COBLL1: variants seen among roughly 807,000 people sequenced by gnomAD.
COBLL1 encodes cordon-bleu WH2 repeat protein like 1.
COBLL1 carries 50 observed loss-of-function variants against 94.8 expected under a neutral mutation model. The observed-to-expected ratio is 0.53, with a 90% CI of 0.42 to 0.67. The LOEUF (loss-of-function observed/expected upper bound fraction) is 0.67. Among genes scored for constraint, COBLL1 ranks in the 30% least tolerant of loss-of-function variants. The pLI, the probability that COBLL1 is intolerant of heterozygous loss-of-function variation, is 0.00. For missense variants in COBLL1, 1,362 were observed against 1,348.7 expected, an observed-to-expected ratio of 1.01 and a Z score of -0.15; for synonymous variants, 448 against 473.8, an observed-to-expected ratio of 0.95 and a Z score of 0.71.
chr2:164,777,512 G>T (rs1688525304), intron 2 of COBLL1, among the ~76,000 whole-genome samples: 1 of 152,146 alleles, frequency 6.6e-6, no homozygotes, highest in Admixed American at 6.5e-5. Flanking sequence ...ATTCCAGGCA[G>T]CATTAAGGGA....
At chr2:164,786,041 T>C (rs1688940559) in intron 2 of COBLL1, among the ~76,000 whole-genome samples, 2 of 152,296 alleles carry the variant, frequency 1.3e-5, no homozygotes, top group East Asian at 1.9e-4. Flanking sequence ...TGAATAATAA[T>C]GTCTTAAATT....
chr2:164,711,537 A>C (rs1437999582), intron 7 of COBLL1, among the ~76,000 whole-genome samples: 1 of 152,190 alleles, frequency 6.6e-6, no homozygotes, highest in African/African-American at 2.4e-5. Flanking sequence ...CTTTGAGTCA[A>C]CTCAGGTCTC....
At chr2:164,731,042 T>G (rs1044606117) in intron 3 of COBLL1, among the ~76,000 whole-genome samples, 2 of 152,214 alleles carry the variant, frequency 1.3e-5, no homozygotes, top group South Asian at 2.1e-4. Flanking sequence ...AATGTGCAGG[T>G]CAAAATGGGC....
intron 1 of COBLL1, among the ~76,000 whole-genome samples, chr2:164,672,037 T>C (rs1167092781): frequency 6.6e-6 from 1 of 152,194 alleles, no homozygotes; most frequent in Non-Finnish European, 1.5e-5. Flanking sequence ...TAAAATGTAT[T>C]GATAGAGGTG....
At position 164,694,522 on chromosome 2, in the gene COBLL1, G is replaced by A; in HGVS notation, c.2870C>T (p.Thr957Ile). 3.7e-6 allele frequency: 6 copies of A among 1,613,990 alleles called. No homozygotes were observed. The highest frequency in any genetic ancestry group is 4.2e-6 in the Non-Finnish European group (5 of 1,179,940). ...TGTGGATACCTGACTAGCAGGAATT[G>A]TCACAGGTTTTGGAGCTATGGGAGG... ...SPPPIAPKPV[T>I]IPASQVSTQN... is the part of the protein sequence containing the mutation. The change falls in exon 12 of 14, where the codon ACA becomes ATA. Residue 957 changes from threonine to isoleucine, a missense_variant. Coordinates refer to ENST00000652658, the MANE Select transcript of COBLL1 (RefSeq NM_001365672.2).
intron 13 of COBLL1, among the ~76,000 whole-genome samples, chr2:164,691,904 G>A (rs1461677529): frequency 6.6e-6 from 1 of 152,004 alleles, no homozygotes; most frequent in Non-Finnish European, 1.5e-5. Flanking sequence ...GGAACAGGAA[G>A]GTGTTTTCCA....
chr2:164,713,532 T>C (rs1405381617), intron 7 of COBLL1, among the ~76,000 whole-genome samples: 1 of 152,180 alleles, frequency 6.6e-6, no homozygotes, highest in African/African-American at 2.4e-5. Flanking sequence ...TTTTGGTTAA[T>C]AAAATTAAAC....
At position 164,745,894 on chromosome 2, in the gene COBLL1, CATTTT is replaced by C. The variant is rs57992765; in HGVS notation, c.42-2024_42-2020del. ...TGAGAAATCAGCGAATCGACTGAAA[CATTTT>C]ATAAGTAAGAGAACTCAGTAAGGTA... On this transcript the variant is annotated intron_variant, in intron 2 of 13. Transcript: ENST00000652658. Among the ~76,000 whole-genome samples the C allele has an allele frequency of 5.8e-3, 878 of 152,166 alleles. 7 individuals carry two copies. Among genetic ancestry groups the C allele is most frequent in the African/African-American group, 0.02 (828 of 41,516 alleles).
chr2:164,696,265 A>G (rs2105434291), intron 11 of COBLL1: 1 of 153,306 alleles, frequency 6.5e-6, no homozygotes, highest in African/African-American at 2.4e-5. Context: ...TGACAAATTC[A>G]AAAACTGTAT....
At chr2:164,666,901 A>G (rs908945890) in intron 1 of COBLL1, among the ~76,000 whole-genome samples, 2 of 152,128 alleles carry the variant, frequency 1.3e-5, no homozygotes, top group Non-Finnish European at 2.9e-5. Flanking sequence ...TGAGGGTTGG[A>G]ATCAACTTCT....
rs1684126971 is a variant in COBLL1, at chr2:164,699,441, T to C, written c.1519A>G (p.Arg507Gly). 6.2e-7 allele frequency: 1 copy of C among 1,612,572 alleles called. No individual in the cohort carries two copies. Among genetic ancestry groups the C allele is most frequent in the African/African-American group, 1.3e-5 (1 of 75,030 alleles). ...SNGKKVVDSI[R>G]NLKSLGPNQE... ...TTTGGGCCCAACGACTTCAAGTTTC[T>C]TATACTGTCAACTACCTTCTTTCCA... is the stretch of plus-strand genomic sequence containing the variant. Residue 507 changes from arginine (R) to glycine (G), a missense_variant, in exon 11 of 14, where the codon AGA (arginine) becomes GGA (glycine). Transcript: ENST00000652658.
intron 2 of COBLL1, among the ~76,000 whole-genome samples, chr2:164,818,576 A>ATGTACATATGTACACATATATAGCATATG (rs1559046559): frequency 2.7e-4 from 40 of 146,586 alleles, no homozygotes; most frequent in East Asian, 5.9e-4. Flanking sequence ...TATAGCATAT[A>ATGTACATATGTACACATATATAGCATATG]TGTACATATG....
rs532881246 is a variant in COBLL1, at chr2:164,695,149, C to G, written c.2243G>C (p.Trp748Ser). 13 of 1,613,910 alleles carry G rather than the reference C, an allele frequency of 8.1e-6. No homozygotes were observed. In the African/African-American group the frequency reaches 1.7e-4, roughly 22 times the overall value. Residue 748 changes from tryptophan (W) to serine (S), a missense_variant, in exon 12 of 14, where the codon TGG (tryptophan) becomes TCG (serine). Physicochemically the swap from Trp to Ser is radical, Grantham distance 177. Transcript: ENST00000652658. The part of the protein sequence containing the change: ...PPKSLEISKD[W>S]QSETIEYKDD... ...TTTATACTCTATGGTTTCTGATTGC[C>G]AGTCTTTCGATATTTCCAAGGATTT...
At chr2:164,793,329 A>C (rs980685678) in intron 2 of COBLL1, among the ~76,000 whole-genome samples, 7 of 152,206 alleles carry the variant, frequency 4.6e-5, no homozygotes, top group East Asian at 1.9e-4. Flanking sequence ...AAAAAAAAAA[A>C]ACAAAAGTTT....
intron 2 of COBLL1, among the ~76,000 whole-genome samples, chr2:164,770,689 A>G (rs1376144835): frequency 6.6e-6 from 1 of 152,144 alleles, no homozygotes; most frequent in African/African-American, 2.4e-5. Context: ...ACAAAGAAAT[A>G]TACAGTAGTC....
intron 2 of COBLL1, among the ~76,000 whole-genome samples, chr2:164,835,255 T>C (rs1424782643): frequency 6.6e-6 from 1 of 152,158 alleles, no homozygotes; most frequent in East Asian, 1.9e-4. Context: ...ATAACTAAAA[T>C]GTGAACACAA....
At chr2:164,795,789 T>A (rs1296522796) in intron 2 of COBLL1, among the ~76,000 whole-genome samples, 1 of 152,192 alleles carries the variant, frequency 6.6e-6, no homozygotes, top group East Asian at 1.9e-4. Flanking sequence ...AAAAACTGAG[T>A]TTTTTCAAAG....
chr2:164,837,231 A>C (rs1683356839), intron 2 of COBLL1, among the ~76,000 whole-genome samples: 1 of 152,088 alleles, frequency 6.6e-6, no homozygotes, highest in African/African-American at 2.4e-5. Flanking sequence ...TGACATTTAA[A>C]TTTCGAAGGA....
intron 2 of COBLL1, among the ~76,000 whole-genome samples, chr2:164,751,435 A>G (rs1687120096): frequency 6.6e-6 from 1 of 152,052 alleles, no homozygotes; most frequent in Admixed American, 6.6e-5. Context: ...TATTAGTTTC[A>G]TCAGTTCATA....
Sources: gnomAD v4.1 joint callset for allele counts (sites outside exome capture counted in the v4.1 genomes callset) on GRCh38, gnomAD v4.1.1 for gene constraint, MANE v1.5 for transcripts, NCBI Gene and HGNC (gene_info 2026-07-23, HGNC 2026-07-21) for gene names.